TF: variants seen among roughly 807,000 people sequenced by gnomAD.
TF encodes serotransferrin.
TF carries 55 observed loss-of-function variants against 82.4 expected under a neutral mutation model. The ratio of observed to expected loss-of-function variants is 0.67; its 90% confidence interval spans 0.54 to 0.84. TF has a LOEUF of 0.84. TF is among the 40% of genes least tolerant of loss of function. The pLI is 0.00. For synonymous variants in TF, 332 were observed against 332.6 expected (o/e 1.00, Z 0.02); for missense variants, 737 against 868.4 (o/e 0.85, Z 1.90).
At chr3:133,692,141 C>G in the TF span, among the ~76,000 whole-genome samples, 2 of 152,230 alleles carry the variant, frequency 1.3e-5, no homozygotes, top group Admixed American at 6.5e-5. Context: ...ATGGGAGGCC[C>G]CTCTCTGGAG....
At position 133,778,945 on chromosome 3, in the gene TF, C is replaced by CA. The variant is rs1576369984; in HGVS notation, c.*326dup. 2 of 342,692 alleles carry CA rather than the reference C, an allele frequency of 5.8e-6. No homozygotes were observed. The highest frequency in any genetic ancestry group is 1.5e-4 in the East Asian group (2 of 13,530). The allele number at this position is 342,692 out of a possible 1,614,324, so 21.2% of individuals were successfully genotyped here. On this transcript the variant is annotated 3_prime_UTR_variant, in exon 17 of 17. Transcript: ENST00000402696. Reference sequence around the variant, plus strand: ...GTGCCATGGCCACATCTCCTGGGTACAGTTCAAGGAGACATCTTTTCTAAA... The same window carrying CA: ...GTGCCATGGCCACATCTCCTGGGTACAAGTTCAAGGAGACATCTTTTCTAAA...
chr3:133,725,671 T>A, the TF span, among the ~76,000 whole-genome samples: 1 of 151,958 alleles, frequency 6.6e-6, no homozygotes, highest in Non-Finnish European at 1.5e-5. Context: ...CTAATTGCCC[T>A]GGCCAGAACT....
intron 6 of TF, 135 bp from the exon 7 acceptor site, chr3:133,756,696 C>T (rs1933843575): frequency 8.1e-6 from 9 of 1,109,954 alleles, no homozygotes; most frequent in Non-Finnish European, 1.1e-5. Flanking sequence ...AGTCATTCTC[C>T]CGCATGTTCT....
At chr3:133,728,586 G>T in the TF span, among the ~76,000 whole-genome samples, 1 of 152,074 alleles carries the variant, frequency 6.6e-6, no homozygotes, top group African/African-American at 2.4e-5. Context: ...TAACTTCTTT[G>T]CCTTTGGTTT....
the TF span, among the ~76,000 whole-genome samples, chr3:133,712,343 G>A: frequency 3.3e-5 from 5 of 152,200 alleles, no homozygotes; most frequent in South Asian, 2.1e-4. Flanking sequence ...CATGTGCTCC[G>A]GGTTCTGCGA....
At chr3:133,687,643 T>C in the TF span, among the ~76,000 whole-genome samples, 1 of 152,358 alleles carries the variant, frequency 6.6e-6, no homozygotes, top group African/African-American at 2.4e-5. Flanking sequence ...TCTATAGATG[T>C]ACCTAGTCTA....
At chr3:133,766,897 T>C (rs1934140648) in intron 12 of TF, among the ~76,000 whole-genome samples, 1 of 152,174 alleles carries the variant, frequency 6.6e-6, no homozygotes, top group South Asian at 2.1e-4. Context: ...AGGAGCTCTC[T>C]AGGAAGTCTA....
At chr3:133,766,829 C>T (rs1934138827) in intron 12 of TF, among the ~76,000 whole-genome samples, 1 of 152,130 alleles carries the variant, frequency 6.6e-6, no homozygotes, top group African/African-American at 2.4e-5. Flanking sequence ...ATCCATGATC[C>T]AGGCAGCCCC....
chr3:133,710,163 T>A, the TF span: 1 of 152,616 alleles, frequency 6.6e-6, no homozygotes, highest in Admixed American at 6.5e-5. Context: ...TTCAGGGTGG[T>A]ATGGCCGTAG....
the TF span, among the ~76,000 whole-genome samples, chr3:133,735,512 T>C: frequency 6.6e-6 from 1 of 152,078 alleles, no homozygotes; most frequent in Non-Finnish European, 1.5e-5. Context: ...CCCTCCGAGC[T>C]AAAGGAGCAT....
the TF span, among the ~76,000 whole-genome samples, chr3:133,705,705 T>C: frequency 1.3e-5 from 2 of 152,258 alleles, no homozygotes. Context: ...TTTAATGTCA[T>C]GTACCTTGAT....
In TF at chr3:133,778,623, T is replaced by G; in HGVS notation, c.*3T>G. On this transcript the variant is annotated 3_prime_UTR_variant, in exon 17 of 17. Transcript: ENST00000402696. ...CCTGCACTTTCCGTAGACCTTAAAA[T>G]CTCAGAGGTAGGGCTGCCACCAAGG... The G allele has an allele frequency of 1.9e-6, 3 of 1,613,468 alleles. No homozygotes were observed. The highest frequency in any genetic ancestry group is 2.5e-6 in the Non-Finnish European group (3 of 1,179,592).
At chr3:133,704,715 T>G in the TF span, among the ~76,000 whole-genome samples, 2 of 152,174 alleles carry the variant, frequency 1.3e-5, no homozygotes, top group Admixed American at 1.3e-4. Context: ...CTCTCCCCAT[T>G]GTCTTCAAGA....
chr3:133,764,941 G>A (rs763526769), intron 11 of TF, 34 bp downstream of exon 11: 7 of 1,609,756 alleles, frequency 4.3e-6, no homozygotes, highest in Non-Finnish European at 6.0e-6. Flanking sequence ...GGAGTTAAAA[G>A]ATAAATTCCC....
chr3:133,702,824 G>T, the TF span, among the ~76,000 whole-genome samples: 4 of 152,020 alleles, frequency 2.6e-5, no homozygotes, highest in African/African-American at 7.2e-5. Flanking sequence ...CCCTCATCTT[G>T]GTAAACCTTC....
the TF span, among the ~76,000 whole-genome samples, chr3:133,663,257 T>A: frequency 1.3e-5 from 2 of 152,064 alleles, no homozygotes; most frequent in African/African-American, 4.8e-5. Context: ...CCACTCTCTC[T>A]CTCCTAATTC....
At chr3:133,680,450 C>T in the TF span, among the ~76,000 whole-genome samples, 1 of 152,166 alleles carries the variant, frequency 6.6e-6, no homozygotes, top group Admixed American at 6.5e-5. Context: ...AACAATCCTT[C>T]AGCCTCAACC....
the TF span, chr3:133,699,406 C>A: frequency 9.5e-7 from 1 of 1,055,646 alleles, no homozygotes; most frequent in Non-Finnish European, 1.3e-6. Flanking sequence ...TGGCTCATGG[C>A]TCTCCTGCGT....
At chr3:133,749,265 A>G (rs1933597588) in intron 2 of TF, among the ~76,000 whole-genome samples, 1 of 152,020 alleles carries the variant, frequency 6.6e-6, no homozygotes, top group Non-Finnish European at 1.5e-5. Flanking sequence ...ATGCAGGGGG[A>G]AGAGTAAAGT....
Sources: gnomAD v4.1 joint callset for allele counts (sites outside exome capture counted in the v4.1 genomes callset) on GRCh38, gnomAD v4.1.1 for gene constraint, MANE v1.5 for transcripts, NCBI Gene and HGNC (gene_info 2026-07-23, HGNC 2026-07-21) for gene names.